The following HYCC2 variants were observed in gnomAD, a reference collection of about 807,000 sequenced individuals.
HYCC2 encodes the protein hyccin 2.
At chr2:200,990,569 ATTTTT>A in the HYCC2 span, among the ~76,000 whole-genome samples, 2 of 147,966 alleles carry the variant, frequency 1.4e-5, no homozygotes, top group East Asian at 4.0e-4. Context: ...ATCCCGCTAA[ATTTTT>A]TTTTCTTTTT....
At chr2:201,066,386 A>G in the HYCC2 span, among the ~76,000 whole-genome samples, 3 of 152,088 alleles carry the variant, frequency 2.0e-5, no homozygotes, top group South Asian at 2.1e-4. Flanking sequence ...TATGTTTTCT[A>G]TTTGAGTCTT....
chr2:201,067,589 A>G, the HYCC2 span, among the ~76,000 whole-genome samples: 1 of 152,240 alleles, frequency 6.6e-6, no homozygotes, highest in Non-Finnish European at 1.5e-5. Context: ...AGATACCCAA[A>G]CAGAAAGTCT....
the HYCC2 span, among the ~76,000 whole-genome samples, chr2:201,010,921 C>T: frequency 1.3e-5 from 2 of 151,620 alleles, no homozygotes; most frequent in Non-Finnish European, 2.9e-5. Context: ...CCTAGGCGGG[C>T]GGATCACAAG....
chr2:201,021,058 C>A, the HYCC2 span, among the ~76,000 whole-genome samples: 1 of 152,076 alleles, frequency 6.6e-6, no homozygotes, highest in Non-Finnish European at 1.5e-5. Context: ...TGAGACACTG[C>A]GCCGGCAACT....
the HYCC2 span, among the ~76,000 whole-genome samples, chr2:200,994,730 G>T: frequency 6.6e-6 from 1 of 152,062 alleles, no homozygotes. Flanking sequence ...GCTGGGTGTG[G>T]TGACTCATGC....
chr2:201,032,823 A>T, the HYCC2 span, among the ~76,000 whole-genome samples: 15 of 152,086 alleles, frequency 9.9e-5, no homozygotes, highest in Non-Finnish European at 2.1e-4. Context: ...CGCCTGGCTA[A>T]TTTTTTATAA....
the HYCC2 span, among the ~76,000 whole-genome samples, chr2:201,053,569 G>C: frequency 6.6e-6 from 1 of 152,148 alleles, no homozygotes; most frequent in Admixed American, 6.6e-5. Context: ...AATAGACATA[G>C]GCCAGCCAAC....
chr2:200,982,353 C>G, the HYCC2 span, among the ~76,000 whole-genome samples: 1 of 152,026 alleles, frequency 6.6e-6, no homozygotes, highest in Non-Finnish European at 1.5e-5. Context: ...TGCTTACAGG[C>G]CAAACTCTTT....
At chr2:200,981,350 C>CT in the HYCC2 span, 1 of 1,614,166 alleles carries the variant, frequency 6.2e-7, no homozygotes, top group Non-Finnish European at 8.5e-7. The surrounding 1 kb of genome is among the most constrained non-coding windows in gnomAD (Gnocchi z 4.5). Context: ...CTGAGGAGCT[C>CT]TTTACCTTCG....
At chr2:200,981,585 C>A in the HYCC2 span, 11 of 1,612,870 alleles carry the variant, frequency 6.8e-6, no homozygotes, top group Non-Finnish European at 8.5e-6. The surrounding 1 kb of genome is among the most constrained non-coding windows in gnomAD (Gnocchi z 4.5). Flanking sequence ...TCAGGTGTTT[C>A]TTCATTGGTG....
At chr2:201,071,659 G>GCCTGCCAACTGCAGCGCAACAA in the HYCC2 span, 1 of 153,706 alleles carries the variant, frequency 6.5e-6, no homozygotes, top group Non-Finnish European at 1.4e-5. Flanking sequence ...TCCCGCAGCA[G>GCCTGCCAACTGCAGCGCAACAA]CCTGCCAACT....
At chr2:200,977,994 ATTGT>A in the HYCC2 span, 1 of 152,116 alleles carries the variant, frequency 6.6e-6, no homozygotes, top group African/African-American at 2.4e-5. Context: ...CACCAACCTA[ATTGT>A]TTTATTACAG....
the HYCC2 span, among the ~76,000 whole-genome samples, chr2:201,020,414 T>C: frequency 1.3e-5 from 2 of 152,020 alleles, no homozygotes; most frequent in Admixed American, 6.5e-5. Flanking sequence ...TGGAGACAAG[T>C]AGACAGAGGC....
chr2:200,998,748 A>T, the HYCC2 span, among the ~76,000 whole-genome samples: 2 of 152,186 alleles, frequency 1.3e-5, no homozygotes, highest in Non-Finnish European at 2.9e-5. Flanking sequence ...GACCCACTTA[A>T]ATCCTCGGGT....
the HYCC2 span, among the ~76,000 whole-genome samples, chr2:200,982,246 AC>A: frequency 3.3e-5 from 5 of 151,258 alleles, no homozygotes; most frequent in African/African-American, 9.8e-5. Context: ...AAAAAAAAAA[AC>A]TTTTCCCCTC....
At chr2:201,049,513 T>G in the HYCC2 span, among the ~76,000 whole-genome samples, 25 of 133,810 alleles carry the variant, frequency 1.9e-4, no homozygotes, top group Admixed American at 2.9e-4. Flanking sequence ...ACCACCCCGG[T>G]TTTTTTTTTT....
chr2:200,990,125 A>C, the HYCC2 span, among the ~76,000 whole-genome samples: 81 of 152,320 alleles, frequency 5.3e-4, no homozygotes, highest in Non-Finnish European at 8.8e-4. Context: ...AACTTAAATC[A>C]TTCTCTGCTG....
chr2:201,035,534 G>A, the HYCC2 span, among the ~76,000 whole-genome samples: 3 of 152,010 alleles, frequency 2.0e-5, no homozygotes, highest in Admixed American at 6.6e-5. Flanking sequence ...TAACTTCTTT[G>A]CCACGGGTTC....
the HYCC2 span, among the ~76,000 whole-genome samples, chr2:201,047,366 A>C: frequency 6.6e-6 from 1 of 151,508 alleles, no homozygotes; most frequent in African/African-American, 2.4e-5. Context: ...GAAAGTAGTG[A>C]AAGGAGGAGA....
Sources: allele counts gnomAD v4.1 joint callset (sites outside exome capture counted in the v4.1 genomes callset), GRCh38; gene constraint gnomAD v4.1.1; non-coding constraint Gnocchi (gnomAD v3.1); transcripts MANE v1.5; gene names NCBI Gene and HGNC (gene_info 2026-07-23, HGNC 2026-07-21).